SIGLEC5: variants seen among roughly 807,000 people sequenced by gnomAD.
SIGLEC5 encodes sialic acid binding Ig like lectin 5.
In SIGLEC5, 34 loss-of-function variants were observed where a neutral mutation model predicts 45.9. The observed-to-expected ratio is 0.74, with a 90% CI of 0.56 to 0.99. SIGLEC5 has a LOEUF of 0.99. Among genes scored for constraint, SIGLEC5 ranks in the 50% least tolerant of loss-of-function variants. The pLI, the probability that SIGLEC5 is intolerant of heterozygous loss-of-function variation, is 0.00. For missense variants in SIGLEC5, 508 were observed against 629.6 expected, an observed-to-expected ratio of 0.81 and a Z score of 2.07; for synonymous variants, 203 against 258.6, an observed-to-expected ratio of 0.79 and a Z score of 2.06.
intron 8 of SIGLEC5, among the ~76,000 whole-genome samples, chr19:51,617,684 C>G (rs1324186221): frequency 6.6e-6 from 1 of 151,776 alleles, no homozygotes; most frequent in Non-Finnish European, 1.5e-5. Context: ...AACTGAAAAC[C>G]CACTGGGGGG....
At chr19:51,615,836 G>A (rs905389546) in intron 8 of SIGLEC5, among the ~76,000 whole-genome samples, 1 of 152,186 alleles carries the variant, frequency 6.6e-6, no homozygotes, top group African/African-American at 2.4e-5. Context: ...GAGTGCAATG[G>A]CATGATCTCG....
At chr19:51,616,987 G>A (rs556862062) in intron 8 of SIGLEC5, among the ~76,000 whole-genome samples, 16 of 150,324 alleles carry the variant, frequency 1.1e-4, no homozygotes, top group Admixed American at 6.6e-5. Flanking sequence ...GAAATAGGCC[G>A]GGTGTGGTGG....
Position 51,629,433 on chromosome 19 carries a change from T to C in SIGLEC5, c.625A>G (p.Thr209Ala), listed in dbSNP as rs1465700333. The C allele has an allele frequency of 7.4e-6, 12 of 1,613,538 alleles. No individual in the cohort carries two copies. The Admixed American group carries it at 1.5e-4, about 20-fold the overall frequency. ...CGTTTCATCTGACAGGTGAGGTTGG[T>C]GCCATGGTCCTCGGGCCTGGGGGTG... ...TLTPRPEDHG[T>A]NLTCQMKRQG... The change falls in exon 3 of 9, where the codon ACC becomes GCC. Residue 209 changes from threonine (T) to alanine (A), a missense_variant. By Grantham distance (58) the Thr-to-Ala change is moderately conservative (BLOSUM62 0). Around this residue, in one of 2 missense-constraint regions of SIGLEC5, gnomAD observed 431 missense variants for 428.8 expected, o/e 1.01. Coordinates refer to ENST00000683636, the MANE Select transcript of SIGLEC5 (RefSeq NM_003830.4).
At chr19:51,628,963 A>C in intron 4 of SIGLEC5, 75 bp downstream of exon 4, 1 of 1,397,862 alleles carries the variant, frequency 7.2e-7, no homozygotes, top group Non-Finnish European at 1.0e-6. Context: ...ATTGCATTCA[A>C]GCTCTGATTC....
At chr19:51,625,949 G>A (rs1008530756) in intron 8 of SIGLEC5, 83 bp downstream of exon 8, 2 of 1,029,984 alleles carry the variant, frequency 1.9e-6, no homozygotes, top group African/African-American at 3.1e-5. Flanking sequence ...GATGAGGGAG[G>A]AGTGGGTTTG....
In SIGLEC5 at chr19:51,629,074, C is replaced by T; in HGVS notation, c.703G>A (p.Ala235Thr). 4 of 1,613,782 alleles carry T rather than the reference C, an allele frequency of 2.5e-6. No individual in the cohort carries two copies. Among genetic ancestry groups the T allele is most frequent in the Non-Finnish European group, 3.4e-6 (4 of 1,179,876 alleles). The stretch of plus-strand genomic sequence containing the variant: ...CTGAAGATGGTGATGGTCTGTGGAG[C>T]ATCTGGGATAAAAAGATATAAACTT... ...ERTVQLNVSY[A>T]PQTITIFRNG... Residue 235 changes from alanine (A) to threonine (T), a missense_variant and splice_region_variant, in exon 4 of 9, where the codon GCT (alanine) becomes ACT (threonine). Coordinates refer to ENST00000683636, the MANE Select transcript of SIGLEC5 (RefSeq NM_003830.4).
At position 51,621,036 on chromosome 19, in the gene SIGLEC5, T is replaced by G. The variant is rs561004038; in HGVS notation, c.1464+4996A>C. The G allele has an allele frequency of 2.0e-5, 3 of 152,298 alleles. No individual in the cohort carries two copies. The East Asian group carries it at 5.8e-4, about 29-fold the overall frequency. 9.4% of individuals were successfully genotyped at this position (152,298 alleles called of 1,614,324 possible). On this transcript the variant is annotated intron_variant, in intron 8 of 8. Coordinates refer to ENST00000683636, the MANE Select transcript of SIGLEC5 (RefSeq NM_003830.4). ...AAAAATTTATTTAAAATACTTCAAT[T>G]TCTATATACTAGTTATTTGAACTAA...
intron 8 of SIGLEC5, among the ~76,000 whole-genome samples, chr19:51,623,866 A>G (rs1464905939): frequency 6.6e-6 from 1 of 152,154 alleles, no homozygotes; most frequent in Non-Finnish European, 1.5e-5. Flanking sequence ...CATCAATATG[A>G]GCTTAGGTGA....
At chr19:51,621,757 A>T (rs1329932061) in intron 8 of SIGLEC5, 1 of 152,142 alleles carries the variant, frequency 6.6e-6, no homozygotes, top group Non-Finnish European at 1.5e-5. Context: ...CACATGCAAG[A>T]CCAACTTGTG....
At chr19:51,627,385 C>A (rs872629) in intron 6 of SIGLEC5, 77 bp downstream of exon 6, 173,755 of 1,552,512 alleles carry the variant, frequency 0.11, 10,389 homozygotes, top group Non-Finnish European at 0.12. Flanking sequence ...AGTCCAGCCT[C>A]TCTCTCCCAC....
At chr19:51,629,275 C>T in intron 3 of SIGLEC5, 83 bp downstream of exon 3, 1 of 1,013,636 alleles carries the variant, frequency 9.9e-7, no homozygotes, top group South Asian at 2.0e-5. Flanking sequence ...CTTCCTTACA[C>T]ACACACACAC....
chr19:51,622,298 ATT>A (rs1364355900), intron 8 of SIGLEC5, among the ~76,000 whole-genome samples: 4 of 142,954 alleles, frequency 2.8e-5, no homozygotes, highest in Admixed American at 1.4e-4. Flanking sequence ...CGCCTGGCTA[ATT>A]TTTTTTTTTT....
chr19:51,628,814 T>TGTGTGTGTGTGCGTGTGTGTGTGC (rs1214785075), intron 4 of SIGLEC5, among the ~76,000 whole-genome samples: 10 of 146,828 alleles, frequency 6.8e-5, no homozygotes, highest in African/African-American at 2.6e-4. Flanking sequence ...TGTATATGCA[T>TGTGTGTGTGTGCGTGTGTGTGTGC]GTGTGTGTGT....
In SIGLEC5 at chr19:51,627,544, C is replaced by T. The variant is rs1173562294; in HGVS notation, c.1200G>A (p.Gly400=). 1 of 1,614,102 alleles carries T rather than the reference C, an allele frequency of 6.2e-7. No individual in the cohort carries two copies. The highest frequency in any genetic ancestry group is 8.5e-7 in the Non-Finnish European group (1 of 1,180,022). The change falls in exon 6 of 9, where the codon GGG becomes GGA. Residue 400 remains glycine (G), a synonymous_variant. Transcript: ENST00000683636. The part of the protein sequence containing the change: ...PWANSSLILH[G]GLSSDLKVSC... ...TGACTTTGAGGTCGGAGCTGAGCCC[C>T]CCGTGGAGGATCAGGGAGCTGTTGG...
intron 3 of SIGLEC5, 25 bp from the exon 4 acceptor site, chr19:51,629,101 G>C (rs890360653): frequency 6.2e-7 from 1 of 1,613,194 alleles, no homozygotes; most frequent in Non-Finnish European, 8.5e-7. Context: ...TATAAACTTG[G>C]CTTCAGCAGT....
At chr19:51,626,504 G>A (rs908000499) in intron 7 of SIGLEC5, among the ~76,000 whole-genome samples, 22 of 152,180 alleles carry the variant, frequency 1.4e-4, no homozygotes, top group African/African-American at 5.3e-4. Flanking sequence ...ATCGATGCAT[G>A]CTACAACATA....
chr19:51,616,908 AAAAAAAAAAAC>A lies in SIGLEC5; in HGVS notation c.1465-4497_1465-4487del, dbSNP rs1253625021. Among the ~76,000 whole-genome samples, 634 of 138,002 alleles carry A rather than the reference AAAAAAAAAAAC, an allele frequency of 4.6e-3. 18 individuals are homozygous for A. The highest frequency in any genetic ancestry group is 0.016 in the African/African-American group (605 of 37,732). 90.5% of individuals were successfully genotyped at this position (138,002 alleles called of 152,430 possible). On this transcript the variant is annotated intron_variant, in intron 8 of 8. Transcript: ENST00000683636. ...CCTGGGCAACAGAGTGAGACTGTCA[AAAAAAAAAAAC>A]AAAAAAAAAAAACACTTGAACATTT...
At chr19:51,628,767 CGTGT>C (rs34312547) in intron 4 of SIGLEC5, among the ~76,000 whole-genome samples, 1 of 138,844 alleles carries the variant, frequency 7.2e-6, no homozygotes, top group Non-Finnish European at 1.5e-5. Flanking sequence ...TGTGTATGTG[CGTGT>C]GTGTGTGGTG....
chr19:51,625,962 G>C (rs1356185219), intron 8 of SIGLEC5, 70 bp downstream of exon 8: 13 of 1,261,264 alleles, frequency 1.0e-5, no homozygotes, highest in Middle Eastern at 2.1e-4. Context: ...TGGGTTTGGT[G>C]GAATGCTGAA....
Sources: allele counts gnomAD v4.1 joint callset (sites outside exome capture counted in the v4.1 genomes callset), GRCh38; gene constraint gnomAD v4.1.1; regional missense constraint gnomAD v4.1.1; transcripts MANE v1.5; gene names NCBI Gene and HGNC (gene_info 2026-07-23, HGNC 2026-07-21).